The following FXYD7 variants were observed in gnomAD, a reference collection of about 807,000 sequenced individuals.
The protein encoded by FXYD7 is FXYD domain-containing ion transport regulator 7.
In FXYD7, 7 loss-of-function variants were observed where a neutral mutation model predicts 15.3. The observed-to-expected ratio is 0.46, with a 90% CI of 0.26 to 0.86. FXYD7 has a LOEUF of 0.86. FXYD7 is among the 40% of genes least tolerant of loss of function. The pLI is 0.16. For missense variants in FXYD7, 78 were observed against 100.6 expected (o/e 0.78, Z 0.96); for synonymous variants, 39 against 39.3 (o/e 0.99, Z 0.03).
intron 5 of FXYD7, among the ~76,000 whole-genome samples, chr19:35,152,296 C>T (rs1388100260): frequency 6.6e-6 from 1 of 151,046 alleles, no homozygotes; most frequent in Non-Finnish European, 1.5e-5. Flanking sequence ...CTATAAAAGC[C>T]AGGACAAGCT....
rs1555737607 is a variant in FXYD7, at chr19:35,153,033, C to CTTTGTT, written c.221-858_221-857insGTTTTT. Among the ~76,000 whole-genome samples the CTTTGTT allele has an allele frequency of 4.1e-4, 18 of 44,142 alleles. 3 individuals are homozygous for CTTTGTT. Among genetic ancestry groups the CTTTGTT allele is most frequent in the Admixed American group, 6.7e-4 (2 of 2,968 alleles). 29.0% of individuals were successfully genotyped at this position (44,142 alleles called of 152,430 possible). On this transcript the variant is annotated intron_variant, in intron 5 of 5. Coordinates refer to ENST00000270310, the MANE Select transcript of FXYD7 (RefSeq NM_022006.2). The stretch of plus-strand genomic sequence containing the variant: ...TTGGTGTGGAATTTGTTTCACGTTC[C>CTTTGTT]TTTTTTTTTTTTTTTTTTTTTTTTT...
chr19:35,146,899 C>T (rs769160706), intron 1 of FXYD7, among the ~76,000 whole-genome samples: 32 of 152,142 alleles, frequency 2.1e-4, no homozygotes, highest in Non-Finnish European at 4.1e-4. Flanking sequence ...GCTTTGGGGC[C>T]ACCTCTATCA....
At chr19:35,151,730 A>G in intron 5 of FXYD7, 57 bp downstream of exon 5, 1 of 1,089,420 alleles carries the variant, frequency 9.2e-7, no homozygotes, top group East Asian at 3.3e-5. Flanking sequence ...AGGGAAGGGA[A>G]CCCTCAGAAG....
At chr19:35,153,032 C>CGTTTTTTTTTTTTTTT (rs1568407782) in intron 5 of FXYD7, among the ~76,000 whole-genome samples, 1 of 59,498 alleles carries the variant, frequency 1.7e-5, no homozygotes, top group Non-Finnish European at 3.2e-5. Flanking sequence ...GTTTCACGTT[C>CGTTTTTTTTTTTTTTT]CTTTTTTTTT....
chr19:35,152,592 G>T (rs2065315382), intron 5 of FXYD7, among the ~76,000 whole-genome samples: 1 of 152,116 alleles, frequency 6.6e-6, no homozygotes, highest in Non-Finnish European at 1.5e-5. Context: ...TGCAGGGAAT[G>T]TGAGGATGGA....
At chr19:35,148,040 A>T (rs1044211617) in intron 1 of FXYD7, among the ~76,000 whole-genome samples, 4,996 of 89,942 alleles carry the variant, frequency 0.056, 232 homozygotes, top group South Asian at 0.11. Flanking sequence ...AGAAAGAAAG[A>T]AAGAAAGAAA....
Position 35,151,624 on chromosome 19 carries a change from C to A in FXYD7, c.180-9C>A. Reference sequence around the variant, plus strand: ...TTTCTACTTTTCTCTCTCATCTCTGCCTCCACAGCCCAACCTGCAAATCCT... The same window carrying A: ...TTTCTACTTTTCTCTCTCATCTCTGACTCCACAGCCCAACCTGCAAATCCT... On this transcript the variant is annotated splice_polypyrimidine_tract_variant and intron_variant, in intron 4 of 5. Coordinates refer to ENST00000270310, the MANE Select transcript of FXYD7 (RefSeq NM_022006.2). 1 of 1,611,820 alleles carries A rather than the reference C, an allele frequency of 6.2e-7. No homozygotes were observed. The highest frequency in any genetic ancestry group is 8.5e-7 in the Non-Finnish European group (1 of 1,177,912).
intron 1 of FXYD7, among the ~76,000 whole-genome samples, chr19:35,146,822 A>G (rs2065290342): frequency 6.6e-6 from 1 of 152,206 alleles, no homozygotes; most frequent in Admixed American, 6.5e-5. Flanking sequence ...AACCTAAGCC[A>G]TCCTCTTTGA....
In FXYD7 at chr19:35,153,932, A is replaced by G. The variant is rs763322229; in HGVS notation, c.*16A>G. 1.4e-5 allele frequency: 22 copies of G among 1,610,492 alleles called. No individual in the cohort carries two copies. The highest frequency in any genetic ancestry group is 1.9e-5 in the Non-Finnish European group (22 of 1,178,174). On this transcript the variant is annotated 3_prime_UTR_variant, in exon 6 of 6. Coordinates refer to ENST00000270310, the MANE Select transcript of FXYD7 (RefSeq NM_022006.2). ...CGGCGTGTAACACCTTCCCGAGGAAACTCCGCTGCCGACCCTGCCTGAGCG... is the reference window on the plus strand; with the variant it reads ...CGGCGTGTAACACCTTCCCGAGGAAGCTCCGCTGCCGACCCTGCCTGAGCG...
intron 2 of FXYD7, 116 bp downstream of exon 2, chr19:35,148,839 G>A (rs772819672): frequency 3.3e-6 from 3 of 915,390 alleles, no homozygotes; most frequent in South Asian, 1.3e-5. Flanking sequence ...CACTGGCCAC[G>A]GGACCATATA....
chr19:35,153,537 A>G (rs946555165), intron 5 of FXYD7, among the ~76,000 whole-genome samples: 7 of 152,146 alleles, frequency 4.6e-5, no homozygotes, highest in African/African-American at 1.7e-4. Flanking sequence ...TTCCCGTTGT[A>G]TCCAAATGTT....
chr19:35,143,382 AG>A lies in FXYD7; in HGVS notation c.31+23del. 1 of 1,491,558 alleles carries A rather than the reference AG, an allele frequency of 6.7e-7. No individual in the cohort carries two copies. The highest frequency in any genetic ancestry group is 2.5e-5 in the Admixed American group (1 of 40,232). 92.4% of individuals were successfully genotyped at this position (1,491,558 alleles called of 1,614,324 possible). The stretch of plus-strand genomic sequence containing the variant: ...CACAAAGGGTGAGCGTCGTTTGGGG[AG>A]GGGGTTGCAGGGGGGCTCCGGGATC... On this transcript the variant is annotated intron_variant, in intron 1 of 5. Transcript: ENST00000270310. The surrounding 1 kb of genome is among the most constrained non-coding windows in gnomAD (Gnocchi z 4.3).
At chr19:35,150,550 A>G (rs2065306057) in intron 2 of FXYD7, among the ~76,000 whole-genome samples, 1 of 152,206 alleles carries the variant, frequency 6.6e-6, no homozygotes, top group Non-Finnish European at 1.5e-5. Flanking sequence ...ACAATCAAAT[A>G]AAGCCCAGAC....
chr19:35,145,664 G>T (rs2065286648), intron 1 of FXYD7, among the ~76,000 whole-genome samples: 1 of 152,236 alleles, frequency 6.6e-6, no homozygotes, highest in Non-Finnish European at 1.5e-5. Context: ...AAGGGACCCT[G>T]AAGCAGCGTC....
chr19:35,152,378 G>A (rs982602426), intron 5 of FXYD7, among the ~76,000 whole-genome samples: 1 of 151,970 alleles, frequency 6.6e-6, no homozygotes, highest in African/African-American at 2.4e-5. Context: ...TGTCAATCAG[G>A]AGGGAGAGAG....
At position 35,154,250 on chromosome 19, in the gene FXYD7, CCT is replaced by C; in HGVS notation, c.*336_*337del. ...TCCCCGAAGATCCGTCCCCCTGGCCCCTCAGTGTCCATGTCTTGAGCTTAATA... is the reference window on the plus strand; with the variant it reads ...TCCCCGAAGATCCGTCCCCCTGGCCCCAGTGTCCATGTCTTGAGCTTAATA... On this transcript the variant is annotated 3_prime_UTR_variant, in exon 6 of 6. Transcript: ENST00000270310. The C allele has an allele frequency of 2.1e-6, 1 of 467,082 alleles. No homozygotes were observed. The highest frequency in any genetic ancestry group is 4.0e-5 in the East Asian group (1 of 25,168). The allele number at this position is 467,082 out of a possible 1,614,324, so 28.9% of individuals were successfully genotyped here.
chr19:35,147,475 G>A (rs1003194754), intron 1 of FXYD7, among the ~76,000 whole-genome samples: 1 of 152,190 alleles, frequency 6.6e-6, no homozygotes, highest in African/African-American at 2.4e-5. Context: ...CTCCTGCAGG[G>A]GAACATGATT....
At chr19:35,148,049 AAGAAAG>A (rs1456771664) in intron 1 of FXYD7, among the ~76,000 whole-genome samples, 2 of 128,244 alleles carry the variant, frequency 1.6e-5, no homozygotes, top group African/African-American at 7.1e-5. Context: ...GAAAGAAAGA[AAGAAAG>A]AAAGAAAGAA....
At chr19:35,146,030 G>A (rs185129370) in intron 1 of FXYD7, among the ~76,000 whole-genome samples, 1,600 of 152,224 alleles carry the variant, frequency 0.011, 14 homozygotes, top group Non-Finnish European at 0.012. Context: ...ACCCACTTTG[G>A]CTTCCCAAAG....
Sources: gnomAD v4.1 joint callset for allele counts (sites outside exome capture counted in the v4.1 genomes callset) on GRCh38, gnomAD v4.1.1 for gene constraint, Gnocchi (gnomAD v3.1) non-coding constraint, MANE v1.5 for transcripts, NCBI Gene and HGNC (gene_info 2026-07-23, HGNC 2026-07-21) for gene names.